Variants in MAD1L1 observed in about 807,000 individuals in gnomAD.
MAD1L1 encodes mitotic spindle assembly checkpoint protein MAD1.
A neutral mutation model predicts 96.9 loss-of-function variants in MAD1L1; 95 were observed. The observed-to-expected ratio is 0.98, with a 90% confidence interval of 0.83 to 1.16. MAD1L1 has a LOEUF of 1.16. Among genes scored for constraint, MAD1L1 ranks in the 50% most tolerant of loss-of-function variants. The pLI, the probability that MAD1L1 is intolerant of heterozygous loss-of-function variation, is 0.00. For missense variants in MAD1L1, 1,007 were observed against 954.4 expected (o/e 1.06, Z -0.73); for synonymous variants, 473 against 396.6 (o/e 1.19, Z -2.29).
intron 11 of MAD1L1, among the ~76,000 whole-genome samples, chr7:2,147,852 GAC>G (rs1402568808): frequency 6.6e-6 from 1 of 152,256 alleles, no homozygotes; most frequent in Non-Finnish European, 1.5e-5. Context: ...TGTGGCCCTG[GAC>G]ACAGAGATGG....
At chr7:1,921,171 G>T (rs1788770794) in intron 17 of MAD1L1, among the ~76,000 whole-genome samples, 1 of 152,218 alleles carries the variant, frequency 6.6e-6, no homozygotes, top group African/African-American at 2.4e-5. Flanking sequence ...TGGTATCGGT[G>T]AGGGAGGCGG....
chr7:1,928,549 G>C (rs1381072953), intron 17 of MAD1L1, among the ~76,000 whole-genome samples: 1 of 152,248 alleles, frequency 6.6e-6, no homozygotes, highest in Non-Finnish European at 1.5e-5. Flanking sequence ...TCTCAGCTTG[G>C]CACAGGACTG....
chr7:1,907,996 T>TCCGG (rs1305182659), intron 17 of MAD1L1, among the ~76,000 whole-genome samples: 5 of 152,168 alleles, frequency 3.3e-5, no homozygotes, highest in Middle Eastern at 3.4e-3. Context: ...AGCTCAGGAG[T>TCCGG]CCGGCCAGGG....
intron 14 of MAD1L1, among the ~76,000 whole-genome samples, chr7:1,988,699 G>C (rs905647564): frequency 5.9e-5 from 9 of 152,198 alleles, no homozygotes; most frequent in Non-Finnish European, 1.2e-4. Flanking sequence ...CAGACTTCTT[G>C]GGAAGGGCCG....
At chr7:2,219,872 G>A (rs1793502758) in intron 5 of MAD1L1, among the ~76,000 whole-genome samples, 1 of 152,158 alleles carries the variant, frequency 6.6e-6, no homozygotes. Context: ...CAGGGGCCCT[G>A]GAAAGGAGGC....
intron 12 of MAD1L1, among the ~76,000 whole-genome samples, chr7:2,055,373 T>G (rs1003870133): frequency 2.6e-5 from 4 of 151,876 alleles, no homozygotes; most frequent in Non-Finnish European, 5.9e-5. Flanking sequence ...TAGGGCACGA[T>G]CCAGGCCTCT....
Position 2,113,626 on chromosome 7 carries a change from A to G in MAD1L1, c.1073+35526T>C, listed in dbSNP as rs183134456. On this transcript the variant is annotated intron_variant, in intron 11 of 18. Transcript: ENST00000265854. ...TAGGATATTTGCATATTCTCAAAGC[A>G]TCTTCCCCAAGATACTTATTATCAG... 4.7e-3 allele frequency among the ~76,000 whole-genome samples: 719 copies of G among 152,256 alleles called. 10 individuals carry two copies. Among genetic ancestry groups the G allele is most frequent in the African/African-American group, 0.016 (683 of 41,526 alleles).
intron 11 of MAD1L1, among the ~76,000 whole-genome samples, chr7:2,074,645 C>G (rs548690805): frequency 3.9e-5 from 6 of 152,264 alleles, no homozygotes; most frequent in Non-Finnish European, 8.8e-5. Context: ...CGGGCCCTCT[C>G]CAGCGCCCCC....
At chr7:2,034,531 G>C (rs1196186460) in intron 12 of MAD1L1, among the ~76,000 whole-genome samples, 2 of 152,174 alleles carry the variant, frequency 1.3e-5, no homozygotes, top group African/African-American at 4.8e-5. Flanking sequence ...TTTACTTTTG[G>C]TATGTCTACA....
intron 10 of MAD1L1, among the ~76,000 whole-genome samples, chr7:2,211,884 C>T (rs1184477701): frequency 6.6e-6 from 1 of 152,188 alleles, no homozygotes; most frequent in Non-Finnish European, 1.5e-5. Flanking sequence ...GCCTAGTTTC[C>T]AAGAACAGCA....
At chr7:1,919,426 G>A (rs1231369817) in intron 17 of MAD1L1, among the ~76,000 whole-genome samples, 2 of 152,192 alleles carry the variant, frequency 1.3e-5, no homozygotes, top group African/African-American at 2.4e-5. Context: ...TGGCACTGAA[G>A]GCAGAACTGT....
chr7:1,910,978 G>A (rs145121170), intron 17 of MAD1L1, among the ~76,000 whole-genome samples: 2,138 of 152,294 alleles, frequency 0.014, 45 homozygotes, highest in African/African-American at 0.049. Flanking sequence ...GGAGGCCCTG[G>A]CGGGGCCTGG....
intron 10 of MAD1L1, among the ~76,000 whole-genome samples, chr7:2,160,419 G>A (rs1006242324): frequency 2.1e-5 from 3 of 144,476 alleles, no homozygotes; most frequent in East Asian, 4.2e-4. Context: ...TGAAAGCTCC[G>A]CCTCCTGGGT....
At chr7:2,097,948 A>G (rs1786577581) in intron 11 of MAD1L1, among the ~76,000 whole-genome samples, 1 of 152,200 alleles carries the variant, frequency 6.6e-6, no homozygotes, top group Non-Finnish European at 1.5e-5. Flanking sequence ...GGTCTCCCAG[A>G]CCAACGGGGA....
chr7:1,926,427 A>C (rs1789091476), intron 17 of MAD1L1, among the ~76,000 whole-genome samples: 3 of 152,280 alleles, frequency 2.0e-5, no homozygotes, highest in African/African-American at 7.2e-5. Context: ...AGGGCAGTAC[A>C]AGAAAGCTAC....
intron 10 of MAD1L1, among the ~76,000 whole-genome samples, chr7:2,180,788 T>C (rs1791165165): frequency 6.6e-6 from 1 of 152,224 alleles, no homozygotes; most frequent in Non-Finnish European, 1.5e-5. Flanking sequence ...CTAATAATTT[T>C]GTAAATGTGT....
chr7:1,970,162 T>C (rs1467456019), intron 15 of MAD1L1, among the ~76,000 whole-genome samples: 1 of 152,064 alleles, frequency 6.6e-6, no homozygotes, highest in Non-Finnish European at 1.5e-5. Flanking sequence ...TGAGCAGACA[T>C]GTGCAGCTGC....
intron 16 of MAD1L1, among the ~76,000 whole-genome samples, chr7:1,945,554 G>T (rs1262933049): frequency 6.6e-6 from 1 of 152,208 alleles, no homozygotes; most frequent in Non-Finnish European, 1.5e-5. Context: ...GAGGGTGTGG[G>T]AGAGGTGCTG....
intron 18 of MAD1L1, among the ~76,000 whole-genome samples, chr7:1,872,416 G>C (rs989945932): frequency 1.3e-5 from 2 of 152,172 alleles, no homozygotes; most frequent in Non-Finnish European, 2.9e-5. Context: ...CACCCTCTGC[G>C]CTGCGGCTTC....
Sources: allele counts gnomAD v4.1 joint callset (sites outside exome capture counted in the v4.1 genomes callset), GRCh38; gene constraint gnomAD v4.1.1; transcripts MANE v1.5; gene names NCBI Gene and HGNC (gene_info 2026-07-23, HGNC 2026-07-21).